The following ANKRD22 variants were observed in gnomAD, a reference collection of about 807,000 sequenced individuals.
ANKRD22 encodes ankyrin repeat domain 22, also known as ankyrin repeat domain-containing protein 22.
ANKRD22 carries 24 observed loss-of-function variants against 25.7 expected under a neutral mutation model. The ratio of observed to expected loss-of-function variants is 0.93; its 90% CI spans 0.68 to 1.31. The LOEUF (loss-of-function observed/expected upper bound fraction) is 1.31, where lower values mean the gene tolerates loss of function less well. Ranked by LOEUF, ANKRD22 falls within the 50% of genes most tolerant of loss-of-function variation. ANKRD22 has a pLI of 0.00. For missense variants in ANKRD22, 214 were observed against 227.1 expected (o/e 0.94, Z 0.37); for synonymous variants, 84 against 84.3 (o/e 1.00, Z 0.02).
chr10:88,833,912 T>C (rs1171439404), intron 1 of ANKRD22, among the ~76,000 whole-genome samples: 1 of 152,242 alleles, frequency 6.6e-6, no homozygotes, highest in Non-Finnish European at 1.5e-5. Flanking sequence ...AAACAGGATG[T>C]AATTGTGGCT....
chr10:88,830,408 A>C (rs566491864), intron 2 of ANKRD22, among the ~76,000 whole-genome samples: 2 of 152,314 alleles, frequency 1.3e-5, no homozygotes, highest in South Asian at 4.1e-4. Flanking sequence ...AATCTCCAGC[A>C]GAGCTTTTTG....
At chr10:88,832,090 A>C in intron 1 of ANKRD22, 64 bp from the exon 2 acceptor site, 1 of 1,448,768 alleles carries the variant, frequency 6.9e-7, no homozygotes, top group Non-Finnish European at 9.3e-7. Flanking sequence ...AAAAACGAAA[A>C]AAAAGTCATA....
chr10:88,848,000 G>C (rs533384827), intron 1 of ANKRD22, among the ~76,000 whole-genome samples: 19 of 151,882 alleles, frequency 1.3e-4, no homozygotes, highest in Admixed American at 9.2e-4. Context: ...TGAGTAAACT[G>C]TGCATTGTGT....
Position 88,823,265 on chromosome 10 carries a change from T to A in ANKRD22, c.498+15A>T. 6.2e-7 allele frequency: 1 copy of A among 1,600,628 alleles called. No individual in the cohort carries two copies. ...CTGCTAGAGGAACCTCAGACCACGG[T>A]CCACCCTCCCTTACCTTATTCTTTA... On this transcript the variant is annotated intron_variant, in intron 5 of 5. Coordinates refer to ENST00000371930, the MANE Select transcript of ANKRD22 (RefSeq NM_144590.3).
intron 1 of ANKRD22, among the ~76,000 whole-genome samples, chr10:88,849,748 G>T (rs567938075): frequency 6.6e-6 from 1 of 152,214 alleles, no homozygotes; most frequent in African/African-American, 2.4e-5. Flanking sequence ...TTTGATAAGG[G>T]TTTAAATGAA....
chr10:88,823,972 G>T lies in ANKRD22; in HGVS notation c.400-594C>A, dbSNP rs144831469. 1.4e-3 allele frequency among the ~76,000 whole-genome samples: 211 copies of T among 152,246 alleles called. 1 individual carries two copies. The highest frequency in any genetic ancestry group is 4.8e-3 in the African/African-American group (201 of 41,544). On this transcript the variant is annotated intron_variant, in intron 4 of 5. Transcript: ENST00000371930. ...AAAGCTGATGCTGAATTGTGCCAAAGTTTCTTTGTCGCATGCTATATGCCT... is the reference window on the plus strand; with the variant it reads ...AAAGCTGATGCTGAATTGTGCCAAATTTTCTTTGTCGCATGCTATATGCCT...
Position 88,826,226 on chromosome 10 carries a change from T to C in ANKRD22, c.322-111A>G, listed in dbSNP as rs933667693. ...ATTTTAATCCCAACACTCCTATGCA[T>C]GCATGCACCCTTCCTAAAATTTCCC... is the stretch of plus-strand genomic sequence containing the variant. On this transcript the variant is annotated intron_variant, in intron 3 of 5. Coordinates refer to ENST00000371930, the MANE Select transcript of ANKRD22 (RefSeq NM_144590.3). The C allele has an allele frequency of 4.9e-6, 4 of 813,896 alleles. No individual in the cohort carries two copies. The African/African-American group carries it at 6.9e-5, about 14-fold the overall frequency. 50.4% of individuals were successfully genotyped at this position (813,896 alleles called of 1,614,324 possible).
In ANKRD22 at chr10:88,826,038, A is replaced by G. The variant is rs764227744; in HGVS notation, c.399T>C (p.Cys133=). The G allele has an allele frequency of 8.1e-6, 13 of 1,608,324 alleles. No homozygotes were observed. The South Asian group carries it at 1.4e-4, about 18-fold the overall frequency. Residue 133 remains cysteine, a splice_region_variant and synonymous_variant, in exon 4 of 6, where the codon TGT becomes TGC. Transcript: ENST00000371930. ...AAAATGGCTAAAAGTATAAACTTAC[A>G]CAATCTGTAGCATTAACTTCGACGC... ...DAGVEVNATD[C]YGCTALHYAC...
intron 1 of ANKRD22, among the ~76,000 whole-genome samples, chr10:88,846,433 G>A (rs1844049440): frequency 6.6e-6 from 1 of 152,136 alleles, no homozygotes; most frequent in African/African-American, 2.4e-5. Flanking sequence ...TTGGGGAAAA[G>A]CACATGGAAT....
At chr10:88,842,143 C>T (rs2133079806) in intron 1 of ANKRD22, among the ~76,000 whole-genome samples, 1 of 152,164 alleles carries the variant, frequency 6.6e-6, no homozygotes, top group Middle Eastern at 3.4e-3. Context: ...TGTAAGTCTC[C>T]TTTGGGAAAA....
chr10:88,834,312 G>A (rs1028263949), intron 1 of ANKRD22, among the ~76,000 whole-genome samples: 2 of 152,170 alleles, frequency 1.3e-5, no homozygotes, highest in African/African-American at 4.8e-5. Flanking sequence ...GATAAATGAA[G>A]GGTATTTTAA....
rs1173747457 is a variant in ANKRD22 at position 88,822,253 on chromosome 10, A to G, written c.*688T>C. On this transcript the variant is annotated 3_prime_UTR_variant, in exon 6 of 6. Coordinates refer to ENST00000371930, the MANE Select transcript of ANKRD22 (RefSeq NM_144590.3). ...TGTGGTGTAAACACACTCACCGCTG[A>G]CACTTGATAGATGTTTTTATTGAAA... 1 of 152,178 alleles carries G rather than the reference A, an allele frequency of 6.6e-6. No homozygotes were observed. Among genetic ancestry groups the G allele is most frequent in the Non-Finnish European group, 1.5e-5 (1 of 68,020 alleles). 9.4% of individuals were successfully genotyped at this position (152,178 alleles called of 1,614,324 possible). A position where few individuals can be genotyped will look rare whatever the true frequency, so the allele number is the denominator to read the frequency against.
chr10:88,821,930 T>C lies in ANKRD22; in HGVS notation c.*1011A>G, dbSNP rs1843800200. Among the ~76,000 whole-genome samples the C allele has an allele frequency of 6.6e-6, 1 of 152,230 alleles. No individual in the cohort carries two copies. Among genetic ancestry groups the C allele is most frequent in the Admixed American group, 6.5e-5 (1 of 15,270 alleles). On this transcript the variant is annotated 3_prime_UTR_variant, in exon 6 of 6. Coordinates refer to ENST00000371930, the MANE Select transcript of ANKRD22 (RefSeq NM_144590.3). ...TCACTTAGACAAATAATCCAGATCC[T>C]ACCTCATTGTATAGCTCTGTTTCTT...
chr10:88,844,882 C>T (rs896431731), intron 1 of ANKRD22, among the ~76,000 whole-genome samples: 17 of 152,040 alleles, frequency 1.1e-4, no homozygotes, highest in African/African-American at 3.1e-4. Context: ...CAAGTTTATT[C>T]GGGGATTTTT....
At chr10:88,850,462 G>C (rs1398983278) in intron 1 of ANKRD22, among the ~76,000 whole-genome samples, 2 of 152,050 alleles carry the variant, frequency 1.3e-5, no homozygotes, top group African/African-American at 4.8e-5. Context: ...TCTCAGGATG[G>C]TGGTAAACAG....
intron 1 of ANKRD22, among the ~76,000 whole-genome samples, chr10:88,835,942 T>A (rs1843949863): frequency 6.6e-6 from 1 of 151,982 alleles, no homozygotes; most frequent in Admixed American, 6.5e-5. Flanking sequence ...ATAAACCCCT[T>A]TTAACCCCTT....
rs907944536 is a variant in ANKRD22 at position 88,821,543 on chromosome 10, G to T, written c.*1398C>A. Among the ~76,000 whole-genome samples, 1 of 152,158 alleles carries T rather than the reference G, an allele frequency of 6.6e-6. No homozygotes were observed. Among genetic ancestry groups the T allele is most frequent in the African/African-American group, 2.4e-5 (1 of 41,436 alleles). On this transcript the variant is annotated 3_prime_UTR_variant, in exon 6 of 6. Coordinates refer to ENST00000371930, the MANE Select transcript of ANKRD22 (RefSeq NM_144590.3). ...ACTTGTGTGGGTTTTTTGTCCCCAA[G>T]GGTCACCTGGTAGCTCAGCTCAATG...
intron 1 of ANKRD22, among the ~76,000 whole-genome samples, chr10:88,834,930 A>G (rs1407859887): frequency 2.0e-5 from 3 of 151,510 alleles, no homozygotes; most frequent in African/African-American, 7.4e-5. Flanking sequence ...CTCTGCCTCA[A>G]AAAAAGAAAA....
At chr10:88,823,858 T>C (rs10887858) in intron 4 of ANKRD22, among the ~76,000 whole-genome samples, 44,719 of 143,934 alleles carry the variant, frequency 0.31, 7,935 homozygotes, top group East Asian at 0.45. Context: ...TTCTTCTCTG[T>C]CTCAATGTAT....
Sources: gnomAD v4.1 joint callset for allele counts (sites outside exome capture counted in the v4.1 genomes callset) on GRCh38, gnomAD v4.1.1 for gene constraint, MANE v1.5 for transcripts, NCBI Gene and HGNC (gene_info 2026-07-23, HGNC 2026-07-21) for gene names.